Variants in PHC3 observed in about 807,000 individuals in gnomAD.
The protein encoded by PHC3 is polyhomeotic-like protein 3.
A neutral mutation model predicts 107.4 loss-of-function variants in PHC3; 13 were observed. That is an observed-to-expected ratio of 0.12 (90% CI 0.08 to 0.19). PHC3 has a LOEUF of 0.19. Ranked by LOEUF, PHC3 falls within the 10% of genes least tolerant of loss-of-function variation. PHC3 has a pLI of 1.00. For missense variants in PHC3, 992 were observed against 1,210.9 expected, an observed-to-expected ratio of 0.82 and a Z score of 2.68; for synonymous variants, 456 against 427.4, an observed-to-expected ratio of 1.07 and a Z score of -0.83.
chr3:170,097,502 C>CA lies in PHC3; in HGVS notation c.2834-119dup. On this transcript the variant is annotated intron_variant, in intron 14 of 14. Transcript: ENST00000495893. This position sits in a 1 kb window ranked among gnomAD's most constrained non-coding sequence, Gnocchi z 4.1. ...AGAATCTGAAATACAGGCTGAGAAA[C>CA]AAATGAAATTTATTTATGGTAGTCT... 1.1e-6 allele frequency: 1 copy of CA among 949,698 alleles called. No individual in the cohort carries two copies. The highest frequency in any genetic ancestry group is 1.5e-6 in the Non-Finnish European group (1 of 685,974). The allele number at this position is 949,698 out of a possible 1,614,324, so 58.8% of individuals were successfully genotyped here.
chr3:170,113,193 TGA>T (rs1379631660), intron 11 of PHC3, among the ~76,000 whole-genome samples, 165 bp downstream of exon 11: 4 of 152,230 alleles, frequency 2.6e-5, no homozygotes, highest in African/African-American at 9.6e-5. Context: ...ATGTGACCAT[TGA>T]GAGTCTGATT....
At position 170,094,279 on chromosome 3, in the gene PHC3, A is replaced by T. The variant is rs1404861604; in HGVS notation, c.*2951T>A. The T allele has an allele frequency of 2.6e-5, 4 of 152,224 alleles. No individual in the cohort carries two copies. Among genetic ancestry groups the T allele is most frequent in the African/African-American group, 9.6e-5 (4 of 41,464 alleles). 9.4% of individuals were successfully genotyped at this position (152,224 alleles called of 1,614,324 possible). On this transcript the variant is annotated 3_prime_UTR_variant, in exon 15 of 15. Transcript: ENST00000495893. ...GAATATTAATGTCATATAAAAAATA[A>T]TTTTTACAAATCAGCTCTCTTAGTT... is the stretch of plus-strand genomic sequence containing the variant.
chr3:170,104,724 T>C (rs1716143998), intron 12 of PHC3, among the ~76,000 whole-genome samples: 1 of 152,240 alleles, frequency 6.6e-6, no homozygotes, highest in Admixed American at 6.5e-5. Flanking sequence ...TAAAAAGTAC[T>C]ATGATAATGA....
chr3:170,112,062 GAACA>G (rs2108335475), intron 11 of PHC3, among the ~76,000 whole-genome samples: 1 of 152,236 alleles, frequency 6.6e-6, no homozygotes, highest in Admixed American at 6.5e-5. Flanking sequence ...TGCTCCTATA[GAACA>G]CGGCAATTCA....
At chr3:170,174,388 T>C (rs906091941) in intron 2 of PHC3, among the ~76,000 whole-genome samples, 1 of 152,142 alleles carries the variant, frequency 6.6e-6, no homozygotes, top group African/African-American at 2.4e-5. Flanking sequence ...AAATGTAAAA[T>C]CTGAGCCTGA....
chr3:170,153,456 T>C (rs1726344928), intron 4 of PHC3, among the ~76,000 whole-genome samples: 1 of 152,118 alleles, frequency 6.6e-6, no homozygotes, highest in South Asian at 2.1e-4. Flanking sequence ...TTATTAATAT[T>C]AATTACCCAT....
intron 5 of PHC3, chr3:170,147,613 A>G (rs1427141855): frequency 5.3e-5 from 8 of 152,248 alleles, no homozygotes; most frequent in Non-Finnish European, 1.2e-4. Flanking sequence ...TTTATATTAT[A>G]CTAAATATAT....
intron 4 of PHC3, among the ~76,000 whole-genome samples, chr3:170,161,210 AAC>A (rs1284796834): frequency 6.6e-6 from 1 of 152,208 alleles, no homozygotes; most frequent in Non-Finnish European, 1.5e-5. Context: ...CTTATTAATA[AAC>A]ACAGTCTTAT....
chr3:170,174,756 C>G (rs914599737), intron 2 of PHC3, among the ~76,000 whole-genome samples: 6 of 152,156 alleles, frequency 3.9e-5, no homozygotes, highest in African/African-American at 1.4e-4. Flanking sequence ...GACTACTATG[C>G]CTGATACAAA....
Position 170,153,672 on chromosome 3 carries a change from A to G in PHC3, c.415-4428T>C, listed in dbSNP as rs556361351. Among the ~76,000 whole-genome samples the G allele has an allele frequency of 1.1e-4, 16 of 151,626 alleles. No individual in the cohort carries two copies. In the East Asian group the frequency reaches 3.1e-3, roughly 30 times the overall value. On this transcript the variant is annotated intron_variant, in intron 4 of 14. Coordinates refer to ENST00000495893, the MANE Select transcript of PHC3 (RefSeq NM_024947.4). ...CAGCTACTCGGGAGGCTGAGGCAGG[A>G]GAATGGCGTGAACCCGGGAAGCGGA...
intron 4 of PHC3, among the ~76,000 whole-genome samples, chr3:170,154,965 T>G (rs1291636255): frequency 1.3e-5 from 2 of 152,170 alleles, no homozygotes; most frequent in Non-Finnish European, 2.9e-5. Flanking sequence ...ATCCCAACAC[T>G]CCTAATTCCC....
chr3:170,125,388 T>C (rs1721084294), intron 8 of PHC3, among the ~76,000 whole-genome samples: 1 of 152,232 alleles, frequency 6.6e-6, no homozygotes, highest in Admixed American at 6.5e-5. Context: ...AATTCAGAGA[T>C]AATTAAACAA....
At chr3:170,136,753 A>G (rs1217254309) in intron 6 of PHC3, 88 bp from the exon 7 acceptor site, 1 of 1,356,480 alleles carries the variant, frequency 7.4e-7, no homozygotes. Context: ...TACTGACAAC[A>G]CATTTATATT....
intron 7 of PHC3, among the ~76,000 whole-genome samples, chr3:170,130,226 A>G (rs150440921): frequency 6.6e-6 from 1 of 152,338 alleles, no homozygotes; most frequent in African/African-American, 2.4e-5. Flanking sequence ...ATCATAGAAC[A>G]AGTATAACAT....
At chr3:170,162,749 C>T (rs1434508652) in intron 4 of PHC3, among the ~76,000 whole-genome samples, 1 of 152,180 alleles carries the variant, frequency 6.6e-6, no homozygotes, top group Non-Finnish European at 1.5e-5. Context: ...CCAACTCATA[C>T]TTACTAAAAC....
chr3:170,165,898 T>C (rs536169850), intron 4 of PHC3, among the ~76,000 whole-genome samples: 1 of 150,920 alleles, frequency 6.6e-6, no homozygotes, highest in African/African-American at 2.4e-5. Flanking sequence ...AGCCCAAGTG[T>C]TGGAGGCCGG....
At chr3:170,165,102 G>A (rs536898945) in intron 4 of PHC3, among the ~76,000 whole-genome samples, 84 of 152,270 alleles carry the variant, frequency 5.5e-4, no homozygotes, top group African/African-American at 2.0e-3. Flanking sequence ...AGATAGAGAG[G>A]CTTCAGTAGC....
intron 4 of PHC3, among the ~76,000 whole-genome samples, chr3:170,160,077 C>T (rs1314993544): frequency 6.6e-6 from 1 of 152,172 alleles, no homozygotes; most frequent in Admixed American, 6.5e-5. Flanking sequence ...TACTCTAAAA[C>T]CTTTGTTCAC....
chr3:170,148,379 T>C (rs1412248790), intron 5 of PHC3: 1 of 152,246 alleles, frequency 6.6e-6, no homozygotes, highest in Non-Finnish European at 1.5e-5. Context: ...ACAATGCTTT[T>C]GTCTAGCTTC....
Sources: gnomAD v4.1 joint callset for allele counts (sites outside exome capture counted in the v4.1 genomes callset) on GRCh38, gnomAD v4.1.1 for gene constraint, Gnocchi (gnomAD v3.1) non-coding constraint, MANE v1.5 for transcripts, NCBI Gene and HGNC (gene_info 2026-07-23, HGNC 2026-07-21) for gene names.